The following ALK variants were observed in gnomAD, a reference collection of about 807,000 sequenced individuals.
ALK encodes ALK tyrosine kinase receptor.
In ALK, 74 loss-of-function variants were observed where a neutral mutation model predicts 163.1. The ratio of observed to expected loss-of-function variants is 0.45; its 90% CI spans 0.38 to 0.55. The LOEUF (loss-of-function observed/expected upper bound fraction) is 0.55. Among genes scored for constraint, ALK ranks in the 20% least tolerant of loss-of-function variants. The pLI is 0.00. For synonymous variants in ALK, 960 were observed against 843.2 expected, an observed-to-expected ratio of 1.14 and a Z score of -2.40; for missense variants, 2,063 against 2,105.3, an observed-to-expected ratio of 0.98 and a Z score of 0.39.
chr2:29,606,687 C>T (rs1379527081), intron 3 of ALK, among the ~76,000 whole-genome samples: 1 of 152,212 alleles, frequency 6.6e-6, no homozygotes, highest in African/African-American at 2.4e-5. Flanking sequence ...AAGCCATGCC[C>T]ATCTGTTCAC....
At chr2:29,480,781 C>G (rs1164876241) in intron 4 of ALK, among the ~76,000 whole-genome samples, 2 of 82,706 alleles carry the variant, frequency 2.4e-5, no homozygotes, top group African/African-American at 5.0e-5. Flanking sequence ...GCTCAGGGAA[C>G]AGACATCTTA....
intron 4 of ALK, among the ~76,000 whole-genome samples, chr2:29,465,791 C>T (rs988509415): frequency 2.0e-5 from 3 of 151,988 alleles, no homozygotes; most frequent in Non-Finnish European, 2.9e-5. Flanking sequence ...AAATGAAGAA[C>T]GTCAGAAATG....
At chr2:29,829,082 G>A (rs1457555582) in intron 1 of ALK, among the ~76,000 whole-genome samples, 21 of 146,086 alleles carry the variant, frequency 1.4e-4, no homozygotes, top group East Asian at 6.2e-4. Context: ...ACCAAACACC[G>A]CATGTTCTCA....
chr2:29,898,874 C>T (rs573101031), intron 1 of ALK, among the ~76,000 whole-genome samples: 1 of 152,314 alleles, frequency 6.6e-6, no homozygotes, highest in Non-Finnish European at 1.5e-5. Flanking sequence ...TGGTGGTCTA[C>T]TAATCTCAGT....
At chr2:29,769,178 T>A (rs13424204) in intron 1 of ALK, among the ~76,000 whole-genome samples, 1 of 152,154 alleles carries the variant, frequency 6.6e-6, no homozygotes, top group South Asian at 2.1e-4. Flanking sequence ...ATTTCCCACA[T>A]TGAGCTGGTA....
chr2:29,903,155 T>TA, intron 1 of ALK, among the ~76,000 whole-genome samples: 1 of 152,182 alleles, frequency 6.6e-6, no homozygotes, highest in Non-Finnish European at 1.5e-5. Flanking sequence ...TATTGCCTGT[T>TA]ACCCTATAGA....
intron 3 of ALK, among the ~76,000 whole-genome samples, chr2:29,679,107 T>A (rs955947554): frequency 8.6e-5 from 13 of 151,990 alleles, no homozygotes; most frequent in African/African-American, 3.1e-4. Flanking sequence ...TTGACATTTT[T>A]ATCATTATAA....
chr2:29,489,551 T>C lies in ALK; in HGVS notation c.1154+42364A>G, dbSNP rs564039678. 2.0e-5 allele frequency among the ~76,000 whole-genome samples: 3 copies of C among 152,322 alleles called. No individual in the cohort carries two copies. In the East Asian group the frequency reaches 5.8e-4, roughly 29 times the overall value. ...CTGGGCTCAAGTGATTCTCCCACAT[T>C]GGCCTCCCAAAGTATTGGGATTACA... is the stretch of plus-strand genomic sequence containing the variant. On this transcript the variant is annotated intron_variant, in intron 4 of 28. Coordinates refer to ENST00000389048, the MANE Select transcript of ALK (RefSeq NM_004304.5).
chr2:29,298,651 C>G (rs1666272993), intron 8 of ALK, among the ~76,000 whole-genome samples: 1 of 152,142 alleles, frequency 6.6e-6, no homozygotes, highest in Admixed American at 6.5e-5. Flanking sequence ...ACTCTCACCC[C>G]CTGGTTCCCA....
chr2:29,558,283 G>A (rs955632976), intron 3 of ALK, among the ~76,000 whole-genome samples: 1 of 152,162 alleles, frequency 6.6e-6, no homozygotes, highest in Non-Finnish European at 1.5e-5. Context: ...AGGCTTTCTG[G>A]TTTCATGCTG....
intron 1 of ALK, among the ~76,000 whole-genome samples, chr2:29,857,511 A>G (rs1666173259): frequency 6.6e-6 from 1 of 152,238 alleles, no homozygotes. Flanking sequence ...TCCCATGGGC[A>G]CAGGTGACGG....
At chr2:29,695,073 C>A in intron 2 of ALK, 59 bp from the exon 3 acceptor site, 1 of 1,600,128 alleles carries the variant, frequency 6.2e-7, no homozygotes, top group South Asian at 1.1e-5. Context: ...ACTTTTCAGC[C>A]CCCTCCACTC....
intron 4 of ALK, among the ~76,000 whole-genome samples, chr2:29,451,345 G>C (rs984057800): frequency 6.6e-6 from 1 of 151,964 alleles, no homozygotes; most frequent in Non-Finnish European, 1.5e-5. Context: ...TACTCCTTTG[G>C]TAAGAGCCAT....
At chr2:29,321,034 A>G (rs1667026489) in intron 6 of ALK, 152 bp from the exon 7 acceptor site, 7 of 1,031,394 alleles carry the variant, frequency 6.8e-6, no homozygotes, top group Non-Finnish European at 1.0e-5. Flanking sequence ...GACACTGATT[A>G]TAATGAAGAG....
intron 1 of ALK, among the ~76,000 whole-genome samples, chr2:29,750,795 T>G (rs1680344282): frequency 6.6e-6 from 1 of 151,046 alleles, no homozygotes; most frequent in South Asian, 2.1e-4. Flanking sequence ...CCGGGCGTGG[T>G]GGCTTGTGGC....
intron 4 of ALK, among the ~76,000 whole-genome samples, chr2:29,432,737 CT>C (rs796207262): frequency 0.03 from 4,236 of 140,600 alleles, 112 homozygotes; most frequent in African/African-American, 0.087. Flanking sequence ...TAGCCTTTTC[CT>C]TTTTTTTTTT....
At chr2:29,872,693 T>C (rs1290492832) in intron 1 of ALK, among the ~76,000 whole-genome samples, 1 of 152,248 alleles carries the variant, frequency 6.6e-6, no homozygotes, top group Non-Finnish European at 1.5e-5. Context: ...TTCTACTGAC[T>C]ACGTATCACT....
intron 8 of ALK, among the ~76,000 whole-genome samples, chr2:29,301,777 C>G (rs1666377550): frequency 6.6e-6 from 1 of 152,358 alleles, no homozygotes; most frequent in Non-Finnish European, 1.5e-5. Context: ...CTCTCTCCAT[C>G]TTCCTGTTCT....
At chr2:29,255,203 G>A (rs1264731899) in intron 11 of ALK, among the ~76,000 whole-genome samples, 1 of 152,172 alleles carries the variant, frequency 6.6e-6, no homozygotes, top group African/African-American at 2.4e-5. Context: ...GTTTCTGAGT[G>A]TATTGCTCAT....
Sources: allele counts gnomAD v4.1 joint callset (sites outside exome capture counted in the v4.1 genomes callset), GRCh38; gene constraint gnomAD v4.1.1; transcripts MANE v1.5; gene names NCBI Gene and HGNC (gene_info 2026-07-23, HGNC 2026-07-21).